POTEG: variants seen among roughly 807,000 people sequenced by gnomAD.
POTEG encodes the protein ANKRD26-like family C member 2.
A neutral mutation model predicts 49.6 loss-of-function variants in POTEG; 2 were observed. That is an observed-to-expected ratio of 0.04 (90% CI 0.02 to 0.13). The LOEUF is 0.13. POTEG is among the 10% of genes least tolerant of loss of function. The pLI is 1.00. For synonymous variants in POTEG, 7 were observed against 186.6 expected (o/e 0.04, Z 7.84); for missense variants, 26 against 545.2 (o/e 0.05, Z 9.48).
At chr14:19,432,482 G>GTA (rs1353701096) in intron 1 of POTEG, among the ~76,000 whole-genome samples, 126 of 76,074 alleles carry the variant, frequency 1.7e-3, no homozygotes, top group African/African-American at 6.2e-3. Context: ...ATATACATGT[G>GTA]TATATATATC....
intron 1 of POTEG, among the ~76,000 whole-genome samples, chr14:19,432,283 G>C (rs1594283510): frequency 1.1e-5 from 1 of 87,134 alleles, no homozygotes; most frequent in Non-Finnish European, 2.3e-5. Context: ...ATGAGGCAGA[G>C]GTTGCAGTGA....
chr14:19,415,287 T>C (rs1396137727), intron 7 of POTEG, among the ~76,000 whole-genome samples: 1 of 142,170 alleles, frequency 7.0e-6, no homozygotes, highest in Non-Finnish European at 1.6e-5. Context: ...TGAAATAAAT[T>C]AGAATGTTAT....
intron 3 of POTEG, chr14:19,426,629 A>C (rs1477654783): frequency 2.2e-6 from 1 of 447,010 alleles, no homozygotes; most frequent in Non-Finnish European, 4.5e-6. Flanking sequence ...GTAGAAAGGA[A>C]AATATATTAT....
chr14:19,403,212 T>TCC (rs2139144016), intron 10 of POTEG, 103 bp from the exon 11 acceptor site: 14 of 92,422 alleles, frequency 1.5e-4, no homozygotes, highest in Admixed American at 1.3e-3. Flanking sequence ...AATGAAAGAA[T>TCC]CCCCATAGTG....
intron 7 of POTEG, among the ~76,000 whole-genome samples, chr14:19,415,658 T>G: frequency 6.6e-6 from 1 of 151,358 alleles, no homozygotes; most frequent in Admixed American, 6.6e-5. Flanking sequence ...AAGGAAAGAT[T>G]AGCTATAAGC....
chr14:19,427,677 T>A (rs1345728108), intron 3 of POTEG, among the ~76,000 whole-genome samples: 2 of 152,304 alleles, frequency 1.3e-5, no homozygotes, highest in Non-Finnish European at 2.9e-5. Flanking sequence ...CCAGACACTC[T>A]AGATTTGAAA....
At chr14:19,432,503 A>C (rs1884203570) in intron 1 of POTEG, among the ~76,000 whole-genome samples, 1 of 96,914 alleles carries the variant, frequency 1.0e-5, no homozygotes, top group African/African-American at 4.4e-5. Context: ...TGCATATGTA[A>C]ATAGGCACTT....
At chr14:19,415,924 A>C (rs1594273964) in intron 7 of POTEG, among the ~76,000 whole-genome samples, 1 of 134,720 alleles carries the variant, frequency 7.4e-6, no homozygotes, top group Non-Finnish European at 1.6e-5. Context: ...GGCTCACTGC[A>C]AGCTCCACCC....
intron 6 of POTEG, among the ~76,000 whole-genome samples, chr14:19,419,781 G>GA (rs1855700075): frequency 9.9e-6 from 1 of 100,938 alleles, no homozygotes; most frequent in Non-Finnish European, 1.9e-5. Flanking sequence ...CAGCACAGCT[G>GA]AAAGAGGGAC....
intron 7 of POTEG, among the ~76,000 whole-genome samples, chr14:19,415,828 AATTTTTTTTTTTTT>A (rs1883537071): frequency 1.5e-5 from 2 of 132,920 alleles, no homozygotes; most frequent in East Asian, 2.2e-4. Flanking sequence ...AATCTATTAA[AATTTTTTTTTTTTT>A]TTTTTTTTTT....
intron 6 of POTEG, among the ~76,000 whole-genome samples, chr14:19,419,915 G>A (rs1200235400): frequency 1.4e-5 from 2 of 142,150 alleles, no homozygotes; most frequent in Admixed American, 7.0e-5. Flanking sequence ...TGGCCCATGG[G>A]GTAAAACCTA....
chr14:19,425,580 A>C, intron 4 of POTEG, 26 bp downstream of exon 4: 1 of 720,368 alleles, frequency 1.4e-6, no homozygotes. Context: ...CATCTGGAAC[A>C]CACAGATTAA....
chr14:19,432,404 ACACACACATG>A (rs1884184123), intron 1 of POTEG, among the ~76,000 whole-genome samples: 638 of 26,790 alleles, frequency 0.024, 1 homozygote, highest in South Asian at 0.043. Context: ...ATATATATAT[ACACACACATG>A]TATATATATG....
At chr14:19,431,000 G>GA (rs1205050235) in intron 1 of POTEG, among the ~76,000 whole-genome samples, 1 of 151,576 alleles carries the variant, frequency 6.6e-6, no homozygotes, top group Non-Finnish European at 1.5e-5. Context: ...ATAAATAATA[G>GA]AATGTGAGAA....
chr14:19,413,610 CATT>C (rs1304175338), intron 8 of POTEG, 90 bp from the exon 9 acceptor site: 42 of 1,317,002 alleles, frequency 3.2e-5, no homozygotes, highest in Non-Finnish European at 4.0e-5. Flanking sequence ...ACCAGTTTAT[CATT>C]ATTTTAGTCA....
At chr14:19,430,647 G>A (rs1452178112) in intron 1 of POTEG, among the ~76,000 whole-genome samples, 12 of 122,962 alleles carry the variant, frequency 9.8e-5, no homozygotes, top group Non-Finnish European at 1.5e-4. Context: ...GAATATGCCT[G>A]CCCCATAATA....
intron 8 of POTEG, among the ~76,000 whole-genome samples, chr14:19,414,360 C>G (rs1341103799): frequency 1.4e-5 from 2 of 146,116 alleles, no homozygotes; most frequent in African/African-American, 2.5e-5. Flanking sequence ...CGGGACTATT[C>G]CATAATAATG....
At chr14:19,432,364 T>TTTA (rs1566383045) in intron 1 of POTEG, among the ~76,000 whole-genome samples, 1 of 42,920 alleles carries the variant, frequency 2.3e-5, no homozygotes, top group African/African-American at 9.7e-5. Context: ...AAAAGAAATT[T>TTTA]TGTATATATA....
At chr14:19,432,945 G>A (rs1246981574) in intron 1 of POTEG, among the ~76,000 whole-genome samples, 1 of 30,912 alleles carries the variant, frequency 3.2e-5, no homozygotes, top group African/African-American at 1.5e-4. Context: ...TTTTTTTTGA[G>A]ATGGAGTCTT....
Sources: gnomAD v4.1 joint callset for allele counts (sites outside exome capture counted in the v4.1 genomes callset) on GRCh38, gnomAD v4.1.1 for gene constraint, MANE v1.5 for transcripts, NCBI Gene and HGNC (gene_info 2026-07-23, HGNC 2026-07-21) for gene names.